The following GRIN2B variants were observed in gnomAD, a reference collection of about 807,000 sequenced individuals.
GRIN2B encodes glutamate ionotropic receptor NMDA type subunit 2B, also known as glutamate receptor ionotropic, NMDA 2B.
A neutral mutation model predicts 114.5 loss-of-function variants in GRIN2B; 5 were observed. That is an observed-to-expected ratio of 0.04 (90% CI 0.02 to 0.09). The LOEUF is 0.09. GRIN2B is among the 10% of genes least tolerant of loss of function. The probability of loss-of-function intolerance (pLI) is 1.00; values close to 1 mark genes in which losing one functional copy is unlikely to be tolerated. For missense variants in GRIN2B, 1,108 were observed against 1,943.5 expected (o/e 0.57, Z 8.08); for synonymous variants, 787 against 745.1 (o/e 1.06, Z -0.92).
intron 3 of GRIN2B, among the ~76,000 whole-genome samples, chr12:13,786,745 A>G (rs76384188): frequency 1.2e-3 from 182 of 152,246 alleles, no homozygotes; most frequent in African/African-American, 4.3e-3. Flanking sequence ...GCTTGGAAAT[A>G]GCTCTTTTAC....
chr12:13,850,113 G>C (rs1865534131), intron 3 of GRIN2B, among the ~76,000 whole-genome samples: 1 of 152,156 alleles, frequency 6.6e-6, no homozygotes, highest in Non-Finnish European at 1.5e-5. Flanking sequence ...GACTGGTAAA[G>C]ATTTTGGTCT....
intron 5 of GRIN2B, among the ~76,000 whole-genome samples, chr12:13,631,682 C>T (rs1369771705): frequency 6.6e-6 from 1 of 152,178 alleles, no homozygotes; most frequent in African/African-American, 2.4e-5. Context: ...AATGGCTCAA[C>T]TGGATTCAAA....
Position 13,555,130 on chromosome 12 carries a change from C to G in GRIN2B, c.*7653G>C, listed in dbSNP as rs1948463580. 1 of 152,060 alleles carries G rather than the reference C, an allele frequency of 6.6e-6. No homozygotes were observed. Among genetic ancestry groups the G allele is most frequent in the African/African-American group, 2.4e-5 (1 of 41,390 alleles). 9.4% of individuals were successfully genotyped at this position (152,060 alleles called of 1,614,324 possible). On this transcript the variant is annotated 3_prime_UTR_variant, in exon 14 of 14. Coordinates refer to ENST00000609686, the MANE Select transcript of GRIN2B (RefSeq NM_000834.5). ...AGGGTCAAGCTCAGATATACCATGGCAAGTCAATGCTAAGGAGATAAGAGG... is the reference window on the plus strand; with the variant it reads ...AGGGTCAAGCTCAGATATACCATGGGAAGTCAATGCTAAGGAGATAAGAGG...
At chr12:13,750,124 T>C (rs1172241973) in intron 4 of GRIN2B, among the ~76,000 whole-genome samples, 2 of 152,116 alleles carry the variant, frequency 1.3e-5, no homozygotes, top group African/African-American at 4.8e-5. Context: ...GGAAATCAAG[T>C]GAAGCTGGAC....
intron 3 of GRIN2B, among the ~76,000 whole-genome samples, chr12:13,804,743 A>G (rs777413349): frequency 6.6e-6 from 1 of 152,134 alleles, no homozygotes; most frequent in Non-Finnish European, 1.5e-5. Flanking sequence ...GTCTCCTCCA[A>G]TACATTCTAA....
intron 2 of GRIN2B, among the ~76,000 whole-genome samples, chr12:13,976,839 C>G (rs1863029099): frequency 6.6e-6 from 1 of 152,056 alleles, no homozygotes; most frequent in African/African-American, 2.4e-5. Flanking sequence ...GAATGTTTTA[C>G]AAGGTAATAT....
At chr12:13,765,479 A>G (rs1309627519) in intron 3 of GRIN2B, among the ~76,000 whole-genome samples, 1 of 152,242 alleles carries the variant, frequency 6.6e-6, no homozygotes, top group Non-Finnish European at 1.5e-5. Flanking sequence ...GGTGGAAGGC[A>G]CATGATAAGC....
At chr12:13,963,509 G>A (rs1235971662) in intron 2 of GRIN2B, among the ~76,000 whole-genome samples, 2 of 152,146 alleles carry the variant, frequency 1.3e-5, no homozygotes, top group African/African-American at 4.8e-5. Context: ...AATCGGCAGC[G>A]TTACTCACAG....
chr12:13,596,525 T>G (rs1949075712), intron 10 of GRIN2B, among the ~76,000 whole-genome samples: 1 of 152,206 alleles, frequency 6.6e-6, no homozygotes, highest in Admixed American at 6.5e-5. Flanking sequence ...CCACTCCATT[T>G]CTTCCCTCTC....
rs1322371370 is a variant in GRIN2B, at chr12:13,560,222, C to T, written c.*2561G>A. 6 of 152,096 alleles carry T rather than the reference C, an allele frequency of 3.9e-5. No homozygotes were observed. The highest frequency in any genetic ancestry group is 2.0e-4 in the Admixed American group (3 of 15,280). 9.4% of individuals were successfully genotyped at this position (152,096 alleles called of 1,614,324 possible). On this transcript the variant is annotated 3_prime_UTR_variant, in exon 14 of 14. Transcript: ENST00000609686. ...CACCATAGTGGCCTCCATGAGCATT[C>T]GCTTTTTCCAGACACCCTGAAGCAA...
At chr12:13,870,525 G>C (rs966889430) in intron 2 of GRIN2B, among the ~76,000 whole-genome samples, 13 of 152,132 alleles carry the variant, frequency 8.5e-5, no homozygotes, top group Non-Finnish European at 1.6e-4. Context: ...CTCAGAGCAG[G>C]CTCAAAGGGA....
chr12:13,670,471 C>T (rs1950013290), intron 5 of GRIN2B: 1 of 152,140 alleles, frequency 6.6e-6, no homozygotes, highest in Non-Finnish European at 1.5e-5. Flanking sequence ...GAAGTCATTA[C>T]TCAGAGCACA....
At chr12:13,695,491 T>C (rs1000087256) in intron 4 of GRIN2B, among the ~76,000 whole-genome samples, 1 of 152,148 alleles carries the variant, frequency 6.6e-6, no homozygotes, top group Non-Finnish European at 1.5e-5. Context: ...GAGCGAGTAG[T>C]CTACTTGGCA....
chr12:13,967,734 G>A (rs1038717965), intron 2 of GRIN2B, among the ~76,000 whole-genome samples: 5 of 152,298 alleles, frequency 3.3e-5, no homozygotes, highest in Non-Finnish European at 5.9e-5. Flanking sequence ...TCCCAGGGTG[G>A]GCTATGGGAG....
intron 3 of GRIN2B, among the ~76,000 whole-genome samples, chr12:13,838,189 A>AAAATGAGAAAGGG (rs1865312195): frequency 6.6e-6 from 1 of 152,196 alleles, no homozygotes; most frequent in Non-Finnish European, 1.5e-5. Flanking sequence ...ATGAGAAAGG[A>AAAATGAGAAAGGG]AAACAAGAAG....
Position 13,567,264 on chromosome 12 carries a change from C to CT in GRIN2B, c.2360-2dup. ...AGAGCTTCCAGTTCTTCCATCTCCCCTGGGGAAAGGACAGAGAAGGAAAAT... is the reference window on the plus strand; with the variant it reads ...AGAGCTTCCAGTTCTTCCATCTCCCCTTGGGGAAAGGACAGAGAAGGAAAAT... On this transcript the variant is annotated splice_acceptor_variant, in intron 12 of 13. Transcript: ENST00000609686. LOFTEE classifies it high-confidence loss of function. 1 of 1,608,022 alleles carries CT rather than the reference C, an allele frequency of 6.2e-7. No individual in the cohort carries two copies. Among genetic ancestry groups the CT allele is most frequent in the Non-Finnish European group, 8.5e-7 (1 of 1,174,686 alleles).
At position 13,682,182 on chromosome 12, in the gene GRIN2B, G is replaced by T. The variant is rs77640989; in HGVS notation, c.1011-6323C>A. The stretch of plus-strand genomic sequence containing the variant: ...TCCAAAATGATTAATCCAGTTTAGC[G>T]TGGTCAACATGGCAGGCAAGATTAT... On this transcript the variant is annotated intron_variant, in intron 4 of 13. Coordinates refer to ENST00000609686, the MANE Select transcript of GRIN2B (RefSeq NM_000834.5). Among the ~76,000 whole-genome samples the T allele has an allele frequency of 5.0e-3, 766 of 152,184 alleles. 8 individuals carry two copies. The highest frequency in any genetic ancestry group is 0.017 in the African/African-American group (714 of 41,540).
chr12:13,779,234 G>A (rs1864061614), intron 3 of GRIN2B, among the ~76,000 whole-genome samples: 1 of 152,036 alleles, frequency 6.6e-6, no homozygotes, highest in African/African-American at 2.4e-5. Flanking sequence ...AGTAGAGACG[G>A]AGTTTCACCA....
At chr12:13,948,595 G>A (rs1015735476) in intron 2 of GRIN2B, among the ~76,000 whole-genome samples, 2 of 152,082 alleles carry the variant, frequency 1.3e-5, no homozygotes, top group African/African-American at 4.8e-5. Context: ...ACTTAACAAA[G>A]ACTATTCACT....
Sources: allele counts gnomAD v4.1 joint callset (sites outside exome capture counted in the v4.1 genomes callset), GRCh38; gene constraint gnomAD v4.1.1; transcripts MANE v1.5; gene names NCBI Gene and HGNC (gene_info 2026-07-23, HGNC 2026-07-21).